The following UBA6 variants were observed in gnomAD, a reference collection of about 807,000 sequenced individuals.
The protein encoded by UBA6 is ubiquitin like modifier activating enzyme 6.
Under a neutral mutation model 148.3 loss-of-function variants are expected in UBA6, and 87 were observed. That is an observed-to-expected ratio of 0.59 (90% CI 0.49 to 0.70). The LOEUF is 0.70. Among genes scored for constraint, UBA6 ranks in the 30% least tolerant of loss-of-function variants. The pLI, the probability that UBA6 is intolerant of heterozygous loss-of-function variation, is 0.00. For synonymous variants in UBA6, 376 were observed against 401.0 expected (o/e 0.94, Z 0.75); for missense variants, 1,186 against 1,241.2 (o/e 0.96, Z 0.67).
In UBA6 at chr4:67,615,988, G is replaced by A; in HGVS notation, c.*3009C>T. On this transcript the variant is annotated 3_prime_UTR_variant, in exon 33 of 33. Transcript: ENST00000322244. Reference sequence around the variant, plus strand: ...TAAGCTGAGTGCTAGTTATATAGTTGCTTTAAAATTATTCCTTGAACTGCA... The same window carrying A: ...TAAGCTGAGTGCTAGTTATATAGTTACTTTAAAATTATTCCTTGAACTGCA... The A allele has an allele frequency of 2.7e-6, 1 of 371,026 alleles. No individual in the cohort carries two copies. 23.0% of individuals were successfully genotyped at this position (371,026 alleles called of 1,614,324 possible). A position where few individuals can be genotyped will look rare whatever the true frequency, so the allele number is the denominator to read the frequency against.
In UBA6 at chr4:67,641,118, A is replaced by G. The variant is rs377279881; in HGVS notation, c.1554+33T>C. The G allele has an allele frequency of 3.0e-6, 4 of 1,323,242 alleles. No homozygotes were observed. The African/African-American group carries it at 4.5e-5, about 15-fold the overall frequency. The allele number at this position is 1,323,242 out of a possible 1,614,324, so 82.0% of individuals were successfully genotyped here. A position where few individuals can be genotyped will look rare whatever the true frequency, so the allele number is the denominator to read the frequency against. ...AAGGAAACTCTTTTTTGTATAATAC[A>G]TGATTTAAATTTGAAACAGAATAGC... On this transcript the variant is annotated intron_variant, in intron 18 of 32. Coordinates refer to ENST00000322244, the MANE Select transcript of UBA6 (RefSeq NM_018227.6).
In UBA6 at chr4:67,665,258, G is replaced by T. The variant is rs777096994; in HGVS notation, c.828C>A (p.Thr276=). 6.2e-7 allele frequency: 1 copy of T among 1,604,222 alleles called. No individual in the cohort carries two copies. Among genetic ancestry groups the T allele is most frequent in the Non-Finnish European group, 8.5e-7 (1 of 1,177,056 alleles). The change falls in exon 10 of 33, where the codon ACC becomes ACA. Residue 276 remains threonine, a synonymous_variant. Coordinates refer to ENST00000322244, the MANE Select transcript of UBA6 (RefSeq NM_018227.6). ...CATGTAAATATGGTTCCAGTTCTGT[G>T]GTGTCACCAATACTAAAAGAAAATG... ...ISPFSFSIGD[T]TELEPYLHGG... is the part of the protein sequence containing the mutation.
chr4:67,625,492 T>C (rs1473590006), intron 28 of UBA6, among the ~76,000 whole-genome samples: 2 of 151,994 alleles, frequency 1.3e-5, no homozygotes, highest in African/African-American at 4.8e-5. Flanking sequence ...GAAAGTTGTG[T>C]ACTGCACATC....
Position 67,631,779 on chromosome 4 carries a change from A to G in UBA6, c.2195-8T>C, listed in dbSNP as rs1218077119. On this transcript the variant is annotated splice_region_variant and splice_polypyrimidine_tract_variant and intron_variant, in intron 24 of 32. Coordinates refer to ENST00000322244, the MANE Select transcript of UBA6 (RefSeq NM_018227.6). ...GTGACTGCCAAAATAAACCTGGCAA[A>G]AAGATACAAATATCATTTTCAATGT... 6.2e-7 allele frequency: 1 copy of G among 1,611,590 alleles called. No homozygotes were observed. Among genetic ancestry groups the G allele is most frequent in the East Asian group, 2.2e-5 (1 of 44,768 alleles).
At chr4:67,645,497 G>T (rs533765259) in intron 16 of UBA6, among the ~76,000 whole-genome samples, 3 of 152,166 alleles carry the variant, frequency 2.0e-5, no homozygotes, top group South Asian at 2.1e-4. Flanking sequence ...TACTCGGGAG[G>T]CTGAGGCAAG....
intron 1 of UBA6, 136 bp downstream of exon 1, chr4:67,700,913 C>T (rs1730965384): frequency 9.5e-7 from 1 of 1,054,110 alleles, no homozygotes; most frequent in Admixed American, 2.6e-5. Context: ...CGCGCGCGCC[C>T]CTCGCCTCCC....
At chr4:67,694,029 A>G (rs1730763715) in intron 2 of UBA6, among the ~76,000 whole-genome samples, 1 of 151,724 alleles carries the variant, frequency 6.6e-6, no homozygotes, top group Admixed American at 6.6e-5. Flanking sequence ...CCTGGCCAAC[A>G]TGGTGAAACC....
intron 12 of UBA6, 34 bp downstream of exon 12, chr4:67,663,105 A>G: frequency 6.6e-7 from 1 of 1,514,542 alleles, no homozygotes; most frequent in Non-Finnish European, 9.0e-7. Context: ...TTTTATAAAA[A>G]GGAAAATACT....
intron 31 of UBA6, 105 bp from the exon 32 acceptor site, chr4:67,623,030 A>G (rs1728786329): frequency 1.5e-6 from 2 of 1,351,074 alleles, no homozygotes; most frequent in South Asian, 1.3e-5. Context: ...TAAAAAAAGC[A>G]AATTCATGGT....
chr4:67,641,019 T>A, intron 18 of UBA6, 132 bp downstream of exon 18: 1 of 651,028 alleles, frequency 1.5e-6, no homozygotes, highest in South Asian at 2.0e-5. Context: ...CCTTTTGTCA[T>A]TTCCATTAAT....
At chr4:67,623,113 TA>T (rs753361784) in intron 31 of UBA6, 21 bp downstream of exon 31, 1 of 1,572,096 alleles carries the variant, frequency 6.4e-7, no homozygotes, top group South Asian at 1.1e-5. Context: ...ACTAATGAAC[TA>T]AATGAACAAA....
chr4:67,616,156 C>T lies in UBA6; in HGVS notation c.*2841G>A, dbSNP rs1728621995. Reference sequence around the variant, plus strand: ...AACTCTGATCCTCAAGAGCTCAACTCTGATTTTTTTTTTTTCAGAGAAAGC... The same window carrying T: ...AACTCTGATCCTCAAGAGCTCAACTTTGATTTTTTTTTTTTCAGAGAAAGC... On this transcript the variant is annotated 3_prime_UTR_variant, in exon 33 of 33. Coordinates refer to ENST00000322244, the MANE Select transcript of UBA6 (RefSeq NM_018227.6). 2 of 393,976 alleles carry T rather than the reference C, an allele frequency of 5.1e-6. No individual in the cohort carries two copies. The highest frequency in any genetic ancestry group is 8.9e-6 in the Non-Finnish European group (2 of 224,544). 24.4% of individuals were successfully genotyped at this position (393,976 alleles called of 1,614,324 possible).
intron 9 of UBA6, among the ~76,000 whole-genome samples, chr4:67,667,479 A>G (rs1730033623): frequency 6.6e-6 from 1 of 152,188 alleles, no homozygotes; most frequent in Admixed American, 6.5e-5. Context: ...ACAGTTTGTA[A>G]TAAGAATTGA....
chr4:67,622,572 T>A (rs1183937476), intron 32 of UBA6, among the ~76,000 whole-genome samples: 1 of 152,214 alleles, frequency 6.6e-6, no homozygotes, highest in East Asian at 1.9e-4. Context: ...TCATTAAGTG[T>A]CTCAACATAA....
chr4:67,635,224 G>C (rs1215524327), intron 20 of UBA6, among the ~76,000 whole-genome samples: 2 of 151,968 alleles, frequency 1.3e-5, no homozygotes, highest in African/African-American at 2.4e-5. Flanking sequence ...AAGCAGCTCT[G>C]AGAAATAAAT....
intron 13 of UBA6, among the ~76,000 whole-genome samples, chr4:67,651,181 A>C (rs988993446): frequency 1.5e-4 from 23 of 152,152 alleles, no homozygotes; most frequent in African/African-American, 4.8e-5. Flanking sequence ...ACCAAAAGTC[A>C]GAGGATATTT....
chr4:67,658,042 C>A (rs1018674854), intron 13 of UBA6, among the ~76,000 whole-genome samples: 1 of 152,054 alleles, frequency 6.6e-6, no homozygotes, highest in Non-Finnish European at 1.5e-5. Context: ...AAGGAAACTA[C>A]AGATGCTGGA....
intron 13 of UBA6, among the ~76,000 whole-genome samples, chr4:67,660,629 T>G (rs923161425): frequency 6.6e-6 from 1 of 152,154 alleles, no homozygotes; most frequent in Non-Finnish European, 1.5e-5. Context: ...GGGGCCCTCA[T>G]GGAGAACTTC....
At chr4:67,643,692 T>G (rs1211908759) in intron 17 of UBA6, among the ~76,000 whole-genome samples, 1 of 152,062 alleles carries the variant, frequency 6.6e-6, no homozygotes, top group African/African-American at 2.4e-5. Flanking sequence ...TTGGCTACAT[T>G]ACACTTAAAA....
Sources: allele counts gnomAD v4.1 joint callset (sites outside exome capture counted in the v4.1 genomes callset), GRCh38; gene constraint gnomAD v4.1.1; transcripts MANE v1.5; gene names NCBI Gene and HGNC (gene_info 2026-07-23, HGNC 2026-07-21).